Variants in ZNF841 observed in about 807,000 individuals in gnomAD.
ZNF841 encodes zinc finger protein 841, also known as TCONS_00006091.
ZNF841 carries 11 observed loss-of-function variants against 13.0 expected under a neutral mutation model. The observed-to-expected ratio is 0.85, with a 90% CI of 0.53 to 1.40. ZNF841 has a LOEUF of 1.40. ZNF841 is among the 40% of genes most tolerant of loss of function. The pLI, the probability that ZNF841 is intolerant of heterozygous loss-of-function variation, is 0.00. For synonymous variants in ZNF841, 369 were observed against 381.6 expected, an observed-to-expected ratio of 0.97 and a Z score of 0.38; for missense variants, 1,068 against 1,139.5, an observed-to-expected ratio of 0.94 and a Z score of 0.90.
chr19:52,062,535 C>A (rs1254234711), downstream of ZNF841, among the ~76,000 whole-genome samples: 2 of 152,160 alleles, frequency 1.3e-5, no homozygotes, highest in African/African-American at 4.8e-5. Context: ...GAAGGAACCA[C>A]ACCTAATGAA....
At chr19:52,077,181 AGT>A (rs749441286) in intron 4 of ZNF841, 97 bp from the exon 5 acceptor site, 25 of 1,372,670 alleles carry the variant, frequency 1.8e-5, no homozygotes, top group Admixed American at 2.5e-5. Flanking sequence ...ATTTGATTGA[AGT>A]GTGTTTTGAC....
chr19:52,075,947 AAATCAAATTTGT>A lies in ZNF841; in HGVS notation c.271+85_271+96del, dbSNP rs2087884939. ...GAAGAAAACTTCTGGAGCTCACAGA[AAATCAAATTTGT>A]TTCCCCACAGAACTCTCCCACTTGC... On this transcript the variant is annotated intron_variant, in intron 6 of 6. Transcript: ENST00000594440. 14 of 1,454,642 alleles carry A rather than the reference AAATCAAATTTGT, an allele frequency of 9.6e-6. No individual in the cohort carries two copies. The East Asian group carries it at 3.2e-4, about 34-fold the overall frequency. The allele number at this position is 1,454,642 out of a possible 1,614,324, so 90.1% of individuals were successfully genotyped here.
chr19:52,086,087 CAG>C (rs780026244), intron 3 of ZNF841, among the ~76,000 whole-genome samples: 3 of 152,056 alleles, frequency 2.0e-5, no homozygotes, highest in Non-Finnish European at 4.4e-5. Context: ...GATGGCTAAG[CAG>C]AGAGAGGAGA....
rs141437717 is a variant in ZNF841 at position 52,085,483 on chromosome 19, C to G, written c.-77-605G>C. ...GGCTTCACTGTTACCAGTTTGTAGA[C>G]AGTAGAACACAATGGACCAGAAACA... On this transcript the variant is annotated intron_variant, in intron 3 of 6. Coordinates refer to ENST00000594440, the MANE Select transcript of ZNF841 (RefSeq NM_001136499.2). Among the ~76,000 whole-genome samples, 31 of 152,328 alleles carry G rather than the reference C, an allele frequency of 2.0e-4. No homozygotes were observed. The East Asian group carries it at 5.6e-3, about 28-fold the overall frequency.
At chr19:52,083,011 C>T (rs1372744889) in intron 4 of ZNF841, among the ~76,000 whole-genome samples, 3 of 149,800 alleles carry the variant, frequency 2.0e-5, no homozygotes, top group Non-Finnish European at 3.0e-5. Flanking sequence ...ACCCGGGAGG[C>T]GGAGTTTGCA....
At chr19:52,063,666 G>T (rs565401933), downstream of ZNF841, 10 of 152,256 alleles carry the variant, frequency 6.6e-5, no homozygotes, top group African/African-American at 2.4e-4. Context: ...TTTTAAAAAG[G>T]CTTACCACAT....
chr19:52,066,125 C>T lies in ZNF841; in HGVS notation c.1757G>A (p.Arg586His), dbSNP rs774926961. The T allele has an allele frequency of 3.0e-5, 48 of 1,612,476 alleles. No homozygotes were observed. The highest frequency in any genetic ancestry group is 2.9e-5 in the Non-Finnish European group (34 of 1,179,656). ...CTCTCCGGTATGCATTCTTTGATGA[C>T]GTGCTAGGCATGAATAGTAAGTGAA... ...MVFTYYSCLA[R>H]HQRMHTGEKP... Residue 586 changes from arginine to histidine, a missense_variant, in exon 7 of 7, where the codon CGT becomes CAT. Physicochemically the swap from Arg to His is conservative, Grantham distance 29 (BLOSUM62 0). Transcript: ENST00000594440.
intron 2 of ZNF841, among the ~76,000 whole-genome samples, chr19:52,090,410 T>C (rs567011206): frequency 7.9e-5 from 12 of 151,716 alleles, no homozygotes; most frequent in African/African-American, 2.9e-4. Context: ...AGAAAAGAAA[T>C]TAGCCAGGTA....
chr19:52,084,299 G>A (rs577098925), intron 4 of ZNF841, among the ~76,000 whole-genome samples: 1 of 152,220 alleles, frequency 6.6e-6, no homozygotes, highest in Non-Finnish European at 1.5e-5. Flanking sequence ...TAAGATTGTG[G>A]AGTTAGAAAG....
At chr19:52,090,654 G>GAAAGAAAGAAAGAAAGAAAGAAA (rs1568549587) in intron 2 of ZNF841, among the ~76,000 whole-genome samples, 3 of 84,652 alleles carry the variant, frequency 3.5e-5, no homozygotes, top group African/African-American at 6.0e-5. Flanking sequence ...AAGGAAGGAA[G>GAAAGAAAGAAAGAAAGAAAGAAA]GAAAGAAAGA....
intron 4 of ZNF841, among the ~76,000 whole-genome samples, chr19:52,082,175 T>C (rs2088121487): frequency 6.6e-6 from 1 of 152,182 alleles, no homozygotes; most frequent in African/African-American, 2.4e-5. Context: ...ATATGATCAC[T>C]GACTGACAAA....
intron 4 of ZNF841, among the ~76,000 whole-genome samples, chr19:52,078,063 G>A (rs1236058834): frequency 6.6e-6 from 1 of 152,188 alleles, no homozygotes; most frequent in Non-Finnish European, 1.5e-5. Context: ...AGGCCAAGAT[G>A]GGTGGATCAT....
chr19:52,076,143 A>G lies in ZNF841; in HGVS notation c.172T>C (p.Ser58Pro). 1 of 1,556,750 alleles carries G rather than the reference A, an allele frequency of 6.4e-7. No individual in the cohort carries two copies. The highest frequency in any genetic ancestry group is 8.7e-7 in the Non-Finnish European group (1 of 1,149,540). ...GLCLPDLNII[S>P]MLEQGKEPWT... Reference sequence around the variant, plus strand: ...GGCTCTTTCCCTTGCTCCAACATGGAGATAATATTCAGGTCAGGAAGACAG... The same window carrying G: ...GGCTCTTTCCCTTGCTCCAACATGGGGATAATATTCAGGTCAGGAAGACAG... Residue 58 changes from serine (S) to proline (P), a missense_variant, in exon 6 of 7, where the codon TCC becomes CCC. By Grantham distance (74) the Ser-to-Pro change is moderately conservative. Transcript: ENST00000594440.
intron 3 of ZNF841, among the ~76,000 whole-genome samples, chr19:52,086,597 T>C (rs1301378792): frequency 6.6e-6 from 1 of 152,094 alleles, no homozygotes; most frequent in Non-Finnish European, 1.5e-5. Flanking sequence ...TACAGTGGGG[T>C]TTAAATTCAT....
intron 5 of ZNF841, among the ~76,000 whole-genome samples, chr19:52,076,632 G>A (rs953731387): frequency 2.2e-5 from 3 of 138,940 alleles, no homozygotes; most frequent in African/African-American, 8.6e-5. Flanking sequence ...CAGCCTGGGT[G>A]ACAGACTGAG....
Position 52,066,272 on chromosome 19 carries a change from C to G in ZNF841, c.1610G>C (p.Gly537Ala). The change falls in exon 7 of 7, where the codon GGA becomes GCA. Residue 537 changes from glycine to alanine, a missense_variant. Physicochemically the swap from Gly to Ala is moderately conservative, Grantham distance 60. Transcript: ENST00000594440. ...LLTVHQRIHTGEKPYKCNVCG... is the reference protein window; with the variant it reads ...LLTVHQRIHTAEKPYKCNVCG... ...CACATTACATTTGTAAGGTTTCTCT[C>G]CGGTATGAATTCTCTGATGTACAGT... 6.2e-7 allele frequency: 1 copy of G among 1,614,010 alleles called. No individual in the cohort carries two copies. The highest frequency in any genetic ancestry group is 8.5e-7 in the Non-Finnish European group (1 of 1,179,932).
chr19:52,070,461 C>T (rs2087707518), intron 6 of ZNF841, among the ~76,000 whole-genome samples: 2 of 152,188 alleles, frequency 1.3e-5, no homozygotes, highest in South Asian at 2.1e-4. Context: ...GGGTCAGCTG[C>T]GCAGTCCAGA....
chr19:52,060,523 CT>C (rs74888034), downstream of ZNF841, among the ~76,000 whole-genome samples: 51 of 148,598 alleles, frequency 3.4e-4, no homozygotes, highest in Non-Finnish European at 3.6e-4. Flanking sequence ...AGTCCTATTC[CT>C]TTTTTTTTTT....
chr19:52,095,038 C>G (rs2088623901), intron 1 of ZNF841, among the ~76,000 whole-genome samples: 1 of 152,180 alleles, frequency 6.6e-6, no homozygotes, highest in East Asian at 1.9e-4. Context: ...CTTTTCCTCT[C>G]CTGATCCCTC....
Sources: gnomAD v4.1 joint callset for allele counts (sites outside exome capture counted in the v4.1 genomes callset) on GRCh38, gnomAD v4.1.1 for gene constraint, MANE v1.5 for transcripts, NCBI Gene and HGNC (gene_info 2026-07-23, HGNC 2026-07-21) for gene names.